The following DOP1B variants were observed in gnomAD, a reference collection of about 807,000 sequenced individuals.
DOP1B encodes the protein DOP1 leucine zipper like protein B, also known as protein DOP1B.
DOP1B carries 174 observed loss-of-function variants against 233.5 expected under a neutral mutation model. That is an observed-to-expected ratio of 0.75 (90% CI 0.66 to 0.85). The LOEUF (loss-of-function observed/expected upper bound fraction) is 0.85, where lower values mean the gene tolerates loss of function less well. DOP1B is among the 40% of genes least tolerant of loss of function. DOP1B has a pLI of 0.00. For missense variants in DOP1B, 2,652 were observed against 2,846.6 expected (o/e 0.93, Z 1.56); for synonymous variants, 1,190 against 1,185.6 (o/e 1.00, Z -0.08).
chr21:36,164,673 C>G, intron 1 of DOP1B, 35 bp from the exon 2 acceptor site: 1 of 1,466,560 alleles, frequency 6.8e-7, no homozygotes, highest in African/African-American at 1.4e-5. Context: ...CCCCAAATGG[C>G]TCTCTCATTT....
intron 24 of DOP1B, chr21:36,261,438 TG>T (rs1215914115): frequency 2.2e-5 from 22 of 987,360 alleles, no homozygotes; most frequent in Non-Finnish European, 2.6e-5. Context: ...ATGTTTTATG[TG>T]GAGAGGTATC....
intron 13 of DOP1B, 78 bp downstream of exon 13, chr21:36,227,955 G>A (rs915054805): frequency 5.8e-6 from 8 of 1,369,794 alleles, no homozygotes; most frequent in Non-Finnish European, 7.7e-6. Flanking sequence ...AAGTCTTTAG[G>A]GTTGGTTAGG....
rs555658129 is a variant in DOP1B, at chr21:36,273,185, TC to T, written c.5632+3029del. Among the ~76,000 whole-genome samples, 6 of 151,834 alleles carry T rather than the reference TC, an allele frequency of 4.0e-5. No individual in the cohort carries two copies. In the South Asian group the frequency reaches 1.3e-3, roughly 32 times the overall value. ...ACTTTGGGAGGCTGAGGTGGGCAGA[TC>T]ACCTGAGGTCAGGAGTTCAAGACCA... On this transcript the variant is annotated intron_variant, in intron 27 of 36. Transcript: ENST00000691173.
chr21:36,266,510 G>A (rs571405136), intron 26 of DOP1B, among the ~76,000 whole-genome samples: 14 of 152,288 alleles, frequency 9.2e-5, no homozygotes, highest in African/African-American at 3.4e-4. Context: ...AAAGGATACA[G>A]ATGAAGCGAT....
chr21:36,277,201 G>A (rs1038110271), intron 28 of DOP1B, 101 bp downstream of exon 28: 21 of 1,177,322 alleles, frequency 1.8e-5, no homozygotes, highest in Admixed American at 9.8e-5. Context: ...AGCGTGGGCC[G>A]CACCCTCCCA....
chr21:36,248,640 G>T, intron 21 of DOP1B, 72 bp downstream of exon 21: 3 of 1,442,962 alleles, frequency 2.1e-6, no homozygotes, highest in Non-Finnish European at 2.8e-6. Flanking sequence ...AATGTGTATA[G>T]GAAAGTGTGC....
intron 2 of DOP1B, among the ~76,000 whole-genome samples, chr21:36,174,688 C>A (rs958687389): frequency 2.0e-5 from 3 of 152,066 alleles, no homozygotes; most frequent in East Asian, 3.9e-4. Flanking sequence ...TTTGTATTTT[C>A]TTTTCATAGA....
intron 15 of DOP1B, among the ~76,000 whole-genome samples, chr21:36,234,363 G>T (rs1388041541): frequency 6.6e-6 from 1 of 152,120 alleles, no homozygotes; most frequent in Non-Finnish European, 1.5e-5. Flanking sequence ...AAAGAAGAAA[G>T]AATTGAGATC....
intron 12 of DOP1B, among the ~76,000 whole-genome samples, 169 bp from the exon 13 acceptor site, chr21:36,227,517 A>G (rs2066706307): frequency 6.6e-6 from 1 of 151,500 alleles, no homozygotes; most frequent in Admixed American, 6.6e-5. Context: ...ACTGCACTCC[A>G]GCCTGGGCTA....
intron 23 of DOP1B, among the ~76,000 whole-genome samples, chr21:36,258,153 T>C (rs1436076116): frequency 6.6e-6 from 1 of 152,168 alleles, no homozygotes; most frequent in Admixed American, 6.5e-5. Context: ...CTCACTCCTG[T>C]AATCCCAGCA....
At chr21:36,264,914 C>G (rs191672637) in intron 26 of DOP1B, among the ~76,000 whole-genome samples, 1 of 152,170 alleles carries the variant, frequency 6.6e-6, no homozygotes, top group Non-Finnish European at 1.5e-5. Flanking sequence ...CTAATAAATA[C>G]GGAAGTTATG....
intron 27 of DOP1B, among the ~76,000 whole-genome samples, chr21:36,272,790 G>C (rs2067303665): frequency 6.6e-6 from 1 of 151,854 alleles, no homozygotes; most frequent in South Asian, 2.1e-4. Context: ...TTCGAGACCA[G>C]CCTGACCGAC....
At chr21:36,227,315 A>G (rs937924016) in intron 12 of DOP1B, among the ~76,000 whole-genome samples, 2 of 152,178 alleles carry the variant, frequency 1.3e-5, no homozygotes, top group East Asian at 3.9e-4. Context: ...TGGGAGGCCA[A>G]GGTGGATGGA....
At chr21:36,200,703 C>T (rs1287963625) in intron 4 of DOP1B, among the ~76,000 whole-genome samples, 4 of 152,180 alleles carry the variant, frequency 2.6e-5, no homozygotes, top group Admixed American at 2.6e-4. Context: ...TTTAGCCGGG[C>T]ATGGTGGCGG....
At position 36,167,321 on chromosome 21, in the gene DOP1B, C is replaced by T. The variant is rs575748193; in HGVS notation, c.138+2450C>T. On this transcript the variant is annotated intron_variant, in intron 2 of 36. Coordinates refer to ENST00000691173, the MANE Select transcript of DOP1B (RefSeq NM_001320714.2). ...CTGAGTAGCTGAGATTAGAGGTGCC[C>T]GCCACCAGGCCTGGCTAATTTTTTT... 6.6e-5 allele frequency among the ~76,000 whole-genome samples: 10 copies of T among 152,160 alleles called. No individual in the cohort carries two copies. In the South Asian group the frequency reaches 1.2e-3, roughly 19 times the overall value.
intron 23 of DOP1B, among the ~76,000 whole-genome samples, chr21:36,260,278 A>G (rs71314198): frequency 3.2e-4 from 29 of 91,328 alleles, no homozygotes; most frequent in African/African-American, 1.9e-3. Context: ...AAAGAAAGAA[A>G]GAAAGAAAGA....
chr21:36,219,373 G>A lies in DOP1B; in HGVS notation c.1131G>A (p.Gly377=), dbSNP rs369194764. Residue 377 remains glycine (G), a splice_region_variant and synonymous_variant, in exon 10 of 37, where the codon GGG becomes GGA. Transcript: ENST00000691173. ...LISLLDKPEI[G]PQVVGNLFLE... The stretch of plus-strand genomic sequence containing the variant: ...TGACCATCTTCCTTCTAATTACAGG[G>A]CCTCAAGTGGTTGGGAATTTGTTTC... 16 of 1,614,050 alleles carry A rather than the reference G, an allele frequency of 9.9e-6. No homozygotes were observed. Among genetic ancestry groups the A allele is most frequent in the African/African-American group, 1.3e-5 (1 of 74,930 alleles).
At chr21:36,209,900 C>G (rs114142826) in intron 5 of DOP1B, among the ~76,000 whole-genome samples, 3,140 of 152,144 alleles carry the variant, frequency 0.021, 78 homozygotes, top group African/African-American at 0.068. Context: ...TGTGAATTAC[C>G]CTCTGGTTCC....
intron 34 of DOP1B, 44 bp downstream of exon 34, chr21:36,288,855 G>A (rs558325552): frequency 1.4e-5 from 22 of 1,537,982 alleles, no homozygotes; most frequent in Non-Finnish European, 1.9e-5. Context: ...AGATAGTCAC[G>A]ATTAAAGCAC....
Sources: gnomAD v4.1 joint callset for allele counts (sites outside exome capture counted in the v4.1 genomes callset) on GRCh38, gnomAD v4.1.1 for gene constraint, MANE v1.5 for transcripts, NCBI Gene and HGNC (gene_info 2026-07-23, HGNC 2026-07-21) for gene names.